Variants in RERE observed in about 807,000 individuals in gnomAD.
RERE encodes the protein arginine-glutamic acid dipeptide repeats.
In RERE, 40 loss-of-function variants were observed where a neutral mutation model predicts 146.1. The ratio of observed to expected loss-of-function variants is 0.27; its 90% CI spans 0.21 to 0.36. The LOEUF is 0.36. Ranked by LOEUF, RERE falls within the 10% of genes least tolerant of loss-of-function variation. RERE has a pLI of 1.00. For synonymous variants in RERE, 1,003 were observed against 866.0 expected (o/e 1.16, Z -2.78); for missense variants, 1,933 against 2,138.7 (o/e 0.90, Z 1.90).
At chr1:8,696,405 G>A (rs1432296444) in intron 1 of RERE, among the ~76,000 whole-genome samples, 2 of 152,188 alleles carry the variant, frequency 1.3e-5, no homozygotes, top group Non-Finnish European at 2.9e-5. Flanking sequence ...CCGAGCTCAA[G>A]AGTTGGGAGA....
At chr1:8,628,284 G>A (rs568963030) in intron 2 of RERE, among the ~76,000 whole-genome samples, 2 of 152,088 alleles carry the variant, frequency 1.3e-5, no homozygotes, top group South Asian at 4.2e-4. Flanking sequence ...GCCACTGGAG[G>A]GTGGCTGTTA....
intron 12 of RERE, among the ~76,000 whole-genome samples, chr1:8,380,357 T>A (rs1570097663): frequency 8.3e-6 from 1 of 121,136 alleles, no homozygotes; most frequent in African/African-American, 3.1e-5. Context: ...TTTTTTTTTT[T>A]AAACGAAACA....
intron 12 of RERE, among the ~76,000 whole-genome samples, chr1:8,418,985 A>C (rs1229806726): frequency 6.6e-6 from 1 of 152,212 alleles, no homozygotes; most frequent in Non-Finnish European, 1.5e-5. Flanking sequence ...TAAGACTCTG[A>C]TGTGGTTTAT....
chr1:8,584,795 G>A (rs1037434245), intron 4 of RERE, among the ~76,000 whole-genome samples: 8 of 152,158 alleles, frequency 5.3e-5, no homozygotes, highest in African/African-American at 1.9e-4. Context: ...AATCATAATT[G>A]GTGGTGTCAG....
chr1:8,532,828 C>T (rs1050363554), intron 7 of RERE, among the ~76,000 whole-genome samples: 3 of 152,138 alleles, frequency 2.0e-5, no homozygotes, highest in Admixed American at 1.3e-4. Context: ...CTCCTGACCT[C>T]GGGTGATCCA....
At chr1:8,561,055 G>T (rs1204559430) in intron 4 of RERE, among the ~76,000 whole-genome samples, 1 of 152,194 alleles carries the variant, frequency 6.6e-6, no homozygotes, top group Admixed American at 6.5e-5. Flanking sequence ...CAGGGATACT[G>T]GTGATCTTCT....
At chr1:8,597,837 A>C (rs1452220510) in intron 4 of RERE, among the ~76,000 whole-genome samples, 1 of 152,028 alleles carries the variant, frequency 6.6e-6, no homozygotes, top group African/African-American at 2.4e-5. Context: ...TCCATCTTCC[A>C]GAAGAACTCA....
intron 1 of RERE, among the ~76,000 whole-genome samples, chr1:8,700,788 T>C (rs1464994537): frequency 3.9e-5 from 6 of 152,138 alleles, no homozygotes; most frequent in African/African-American, 2.4e-5. Context: ...TGGCTTCCTA[T>C]GTCATTATAA....
chr1:8,768,670 C>CT (rs1345568150), intron 1 of RERE, among the ~76,000 whole-genome samples: 5 of 152,186 alleles, frequency 3.3e-5, no homozygotes, highest in African/African-American at 1.2e-4. Flanking sequence ...AAGAAATTTA[C>CT]AGGCCAGTTA....
At chr1:8,445,039 G>A (rs1279698664) in intron 11 of RERE, among the ~76,000 whole-genome samples, 1 of 152,112 alleles carries the variant, frequency 6.6e-6, no homozygotes, top group East Asian at 1.9e-4. Flanking sequence ...AATTTTGGAA[G>A]TTACATCCTT....
intron 4 of RERE, among the ~76,000 whole-genome samples, chr1:8,565,844 G>T (rs1288770531): frequency 1.1e-4 from 16 of 152,314 alleles, no homozygotes; most frequent in Non-Finnish European, 1.5e-5. Context: ...ATACCACCAG[G>T]CCTCAGGCCA....
intron 1 of RERE, among the ~76,000 whole-genome samples, chr1:8,795,507 A>G (rs1457352927): frequency 6.6e-6 from 1 of 152,084 alleles, no homozygotes; most frequent in Non-Finnish European, 1.5e-5. Flanking sequence ...TGTTCATTTC[A>G]GTTTATGTAC....
chr1:8,523,015 GAA>G (rs1339915994), intron 7 of RERE, among the ~76,000 whole-genome samples: 7 of 151,660 alleles, frequency 4.6e-5, no homozygotes, highest in African/African-American at 1.7e-4. Context: ...CTTCTCTACA[GAA>G]AATACAAAAA....
intron 1 of RERE, among the ~76,000 whole-genome samples, chr1:8,759,876 C>CACACACACACA (rs1294214023): frequency 6.6e-6 from 1 of 150,692 alleles, no homozygotes; most frequent in African/African-American, 2.5e-5. Flanking sequence ...CACACACACA[C>CACACACACACA]AATATGTCTT....
intron 8 of RERE, among the ~76,000 whole-genome samples, chr1:8,505,313 G>A (rs535899385): frequency 6.6e-6 from 1 of 152,288 alleles, no homozygotes; most frequent in South Asian, 2.1e-4. Context: ...TATATGTTCT[G>A]ATATATTGTG....
chr1:8,715,886 G>A (rs1022509290), intron 1 of RERE, among the ~76,000 whole-genome samples: 22 of 148,640 alleles, frequency 1.5e-4, no homozygotes, highest in African/African-American at 5.4e-4. Flanking sequence ...CTGGATGACA[G>A]AGCAAGACCC....
chr1:8,435,341 C>A (rs1274957745), intron 11 of RERE, among the ~76,000 whole-genome samples: 3 of 152,228 alleles, frequency 2.0e-5, no homozygotes, highest in Admixed American at 1.3e-4. Context: ...CACTTGACAA[C>A]ATATAGCAGG....
rs1206034967 is a variant in RERE, at chr1:8,364,264, G to A, written c.1541-9C>T. ...GTGCCAATCTTTGGAGGCTGTGTGAGGGAAGTGGTGGGGGCCAACCTTGGA... is the reference window on the plus strand; with the variant it reads ...GTGCCAATCTTTGGAGGCTGTGTGAAGGAAGTGGTGGGGGCCAACCTTGGA... On this transcript the variant is annotated splice_polypyrimidine_tract_variant and intron_variant, in intron 14 of 22. Coordinates refer to ENST00000400908, the MANE Select transcript of RERE (RefSeq NM_001042681.2). This position sits in a 1 kb window ranked among gnomAD's most constrained non-coding sequence, Gnocchi z 5.1. 1.9e-6 allele frequency: 3 copies of A among 1,613,604 alleles called. No homozygotes were observed. Among genetic ancestry groups the A allele is most frequent in the Non-Finnish European group, 1.7e-6 (2 of 1,179,594 alleles).
At chr1:8,670,955 C>T (rs1638701145) in intron 1 of RERE, among the ~76,000 whole-genome samples, 1 of 152,118 alleles carries the variant, frequency 6.6e-6, no homozygotes, top group South Asian at 2.1e-4. Flanking sequence ...TCAGAAGTGG[C>T]TAACAGAGCG....
Sources: gnomAD v4.1 joint callset for allele counts (sites outside exome capture counted in the v4.1 genomes callset) on GRCh38, gnomAD v4.1.1 for gene constraint, Gnocchi (gnomAD v3.1) non-coding constraint, MANE v1.5 for transcripts, NCBI Gene and HGNC (gene_info 2026-07-23, HGNC 2026-07-21) for gene names.